Variants in LRRC40 observed in about 807,000 individuals in gnomAD.
The protein encoded by LRRC40 is leucine-rich repeat-containing protein 40.
In LRRC40, 76 loss-of-function variants were observed where a neutral mutation model predicts 72.8. That is an observed-to-expected ratio of 1.04 (90% confidence interval 0.87 to 1.26). The LOEUF is 1.26. Among genes scored for constraint, LRRC40 ranks in the 50% most tolerant of loss-of-function variants. The pLI, the probability that LRRC40 is intolerant of heterozygous loss-of-function variation, is 0.00. For missense variants in LRRC40, 684 were observed against 698.9 expected (o/e 0.98, Z 0.24); for synonymous variants, 243 against 254.2 (o/e 0.96, Z 0.42).
In LRRC40 at chr1:70,148,528, G is replaced by A. The variant is rs748802506; in HGVS notation, c.1662C>T (p.Leu554=). The A allele has an allele frequency of 1.9e-6, 3 of 1,613,210 alleles. No homozygotes were observed. In the African/African-American group the frequency reaches 4.0e-5, roughly 22 times the overall value. The change falls in exon 14 of 15, where the codon CTC becomes CTT. Residue 554 remains leucine (L), a synonymous_variant. Transcript: ENST00000370952. ...TACCGAGCTCTGGTGGAATTTGTAA[G>A]AGGTCATTATTTTGAAGGTCCAACG... ...LTTLDLQNND[L]LQIPPELGNC... is the part of the protein sequence containing the mutation.
At chr1:70,152,760 C>A (rs952058622) in intron 11 of LRRC40, among the ~76,000 whole-genome samples, 2 of 152,070 alleles carry the variant, frequency 1.3e-5, no homozygotes, top group African/African-American at 2.4e-5. Context: ...CCAAAAGTTT[C>A]TATTTGGCTT....
chr1:70,178,881 T>C lies in LRRC40; in HGVS notation c.774A>G (p.Leu258=). The C allele has an allele frequency of 6.3e-7, 1 of 1,597,224 alleles. No individual in the cohort carries two copies. The highest frequency in any genetic ancestry group is 8.6e-7 in the Non-Finnish European group (1 of 1,168,096). The change falls in exon 6 of 15, where the codon CTA becomes CTG. Residue 258 remains leucine (L), a synonymous_variant. Transcript: ENST00000370952. The part of the protein sequence containing the change: ...LYLRRNKLRF[L]PEFPSCSLLK... ...ATAGACTACAAGAAGGAAATTCTGG[T>C]AGAAAACGTAATTTATTCCTCCGCA...
intron 1 of LRRC40, among the ~76,000 whole-genome samples, chr1:70,196,872 C>T (rs1421043249): frequency 6.6e-6 from 1 of 152,022 alleles, no homozygotes; most frequent in East Asian, 1.9e-4. Context: ...AAAATGGATG[C>T]AACATACTCT....
At chr1:70,182,157 A>T (rs1668260242) in intron 4 of LRRC40, among the ~76,000 whole-genome samples, 1 of 152,030 alleles carries the variant, frequency 6.6e-6, no homozygotes, top group African/African-American at 2.4e-5. Context: ...ATTTTATAAC[A>T]ATATATTATC....
chr1:70,193,706 A>G (rs1027849980), intron 1 of LRRC40, among the ~76,000 whole-genome samples: 1 of 152,030 alleles, frequency 6.6e-6, no homozygotes, highest in Non-Finnish European at 1.5e-5. Context: ...TTATAGACCC[A>G]AATTCCTGAA....
chr1:70,178,992 C>A lies in LRRC40; in HGVS notation c.663G>T (p.Arg221Ser). 2 of 1,573,664 alleles carry A rather than the reference C, an allele frequency of 1.3e-6. No individual in the cohort carries two copies. Among genetic ancestry groups the A allele is most frequent in the Non-Finnish European group, 8.6e-7 (1 of 1,157,344 alleles). Residue 221 changes from arginine (R) to serine (S), a missense_variant and splice_region_variant, in exon 6 of 15, where the codon AGG (arginine) becomes AGT (serine). Coordinates refer to ENST00000370952, the MANE Select transcript of LRRC40 (RefSeq NM_017768.5). ...SLPAEINRMK[R>S]LKHLDCNSNL... Reference sequence around the variant, plus strand: ...TTGAATTACAATCCAAATGCTTCAACCCTGTAATATATATTCAGTAAAAAA... The same window carrying A: ...TTGAATTACAATCCAAATGCTTCAAACCTGTAATATATATTCAGTAAAAAA...
intron 1 of LRRC40, among the ~76,000 whole-genome samples, chr1:70,202,595 T>C (rs2100359027): frequency 6.6e-6 from 1 of 152,304 alleles, no homozygotes; most frequent in East Asian, 1.9e-4. Flanking sequence ...TTATGCTGTA[T>C]GATACTCTAA....
At chr1:70,149,224 C>T (rs1024461026) in intron 13 of LRRC40, among the ~76,000 whole-genome samples, 2 of 152,146 alleles carry the variant, frequency 1.3e-5, no homozygotes, top group Non-Finnish European at 1.5e-5. Flanking sequence ...TTGCAATTAA[C>T]GTAAAATGGC....
chr1:70,153,471 A>C (rs1156519280), intron 11 of LRRC40, among the ~76,000 whole-genome samples: 1 of 152,196 alleles, frequency 6.6e-6, no homozygotes, highest in East Asian at 1.9e-4. Context: ...GATGTAGTAA[A>C]AGAAAATGAG....
At chr1:70,165,521 CA>C (rs1667862598) in intron 9 of LRRC40, among the ~76,000 whole-genome samples, 1 of 152,198 alleles carries the variant, frequency 6.6e-6, no homozygotes, top group African/African-American at 2.4e-5. Context: ...TTAAAGTTAG[CA>C]GTCTCTACTC....
Position 70,189,221 on chromosome 1 carries a change from C to A in LRRC40, c.204G>T (p.Gln68His), listed in dbSNP as rs12129881. 2.5e-6 allele frequency: 4 copies of A among 1,608,970 alleles called. No homozygotes were observed. Among genetic ancestry groups the A allele is most frequent in the Non-Finnish European group, 3.4e-6 (4 of 1,178,494 alleles). ...TTTCAGTAGCACCAAACGAAAGATT[C>A]TGATTAGCTTCCTCAGGGATATCCA... ...INVDIPEEAN[Q>H]NLSFGATERW... The change falls in exon 2 of 15, where the codon CAG (glutamine) becomes CAT (histidine). Residue 68 changes from glutamine (Q) to histidine (H), a missense_variant. Coordinates refer to ENST00000370952, the MANE Select transcript of LRRC40 (RefSeq NM_017768.5).
intron 13 of LRRC40, 55 bp downstream of exon 13, chr1:70,151,073 G>A (rs982520102): frequency 8.1e-6 from 8 of 993,700 alleles, no homozygotes; most frequent in Non-Finnish European, 1.2e-5. Flanking sequence ...TTTCTCCAAT[G>A]AGAAAGATCT....
intron 10 of LRRC40, among the ~76,000 whole-genome samples, chr1:70,156,092 T>C (rs964101697): frequency 2.0e-5 from 3 of 152,132 alleles, no homozygotes; most frequent in East Asian, 1.9e-4. Flanking sequence ...ACAAGTCATA[T>C]AGCAAATGGA....
At chr1:70,195,508 C>A (rs534480160) in intron 1 of LRRC40, among the ~76,000 whole-genome samples, 4 of 152,290 alleles carry the variant, frequency 2.6e-5, no homozygotes, top group Admixed American at 2.6e-4. Flanking sequence ...TATGCCAACA[C>A]AGCCACAAGA....
intron 1 of LRRC40, among the ~76,000 whole-genome samples, chr1:70,199,375 A>G (rs980460098): frequency 2.0e-5 from 3 of 152,134 alleles, no homozygotes; most frequent in African/African-American, 7.2e-5. Flanking sequence ...ATGAATACGA[A>G]AATAATAAAT....
chr1:70,157,632 T>C (rs1172236440), intron 10 of LRRC40, among the ~76,000 whole-genome samples: 1 of 152,020 alleles, frequency 6.6e-6, no homozygotes, highest in Non-Finnish European at 1.5e-5. Flanking sequence ...TATCTGTATA[T>C]GAGGGAATGG....
chr1:70,149,300 G>C (rs1447066647), intron 13 of LRRC40, among the ~76,000 whole-genome samples: 1 of 152,190 alleles, frequency 6.6e-6, no homozygotes, highest in Non-Finnish European at 1.5e-5. Context: ...GCCTTGACTA[G>C]AAAATAGAAG....
chr1:70,201,814 A>C (rs1173034846), intron 1 of LRRC40, among the ~76,000 whole-genome samples: 3 of 152,090 alleles, frequency 2.0e-5, no homozygotes, highest in African/African-American at 7.2e-5. Context: ...CTCTACTAAA[A>C]ATACAAAAAA....
At chr1:70,175,724 C>T (rs764224323) in intron 7 of LRRC40, 86 bp downstream of exon 7, 24 of 960,244 alleles carry the variant, frequency 2.5e-5, no homozygotes, top group Non-Finnish European at 3.6e-5. Context: ...AAAAAAGGAA[C>T]CTCTTGGTTT....
Sources: gnomAD v4.1 joint callset for allele counts (sites outside exome capture counted in the v4.1 genomes callset) on GRCh38, gnomAD v4.1.1 for gene constraint, MANE v1.5 for transcripts, NCBI Gene and HGNC (gene_info 2026-07-23, HGNC 2026-07-21) for gene names.